The following SPARCL1 variants were observed in gnomAD, a reference collection of about 807,000 sequenced individuals.
The protein encoded by SPARCL1 is SPARC like 1, also known as SPARC-like protein 1.
A neutral mutation model predicts 67.1 loss-of-function variants in SPARCL1; 52 were observed. The ratio of observed to expected loss-of-function variants is 0.78; its 90% CI spans 0.62 to 0.98. SPARCL1 has a LOEUF of 0.98. Among genes scored for constraint, SPARCL1 ranks in the 50% least tolerant of loss-of-function variants. The probability of loss-of-function intolerance (pLI) is 0.00; values close to 1 mark genes in which losing one functional copy is unlikely to be tolerated. For synonymous variants in SPARCL1, 226 were observed against 267.8 expected (o/e 0.84, Z 1.52); for missense variants, 717 against 782.4 (o/e 0.92, Z 1.00).
At chr4:87,476,169 G>A (rs964253093) in intron 10 of SPARCL1, among the ~76,000 whole-genome samples, 11 of 152,082 alleles carry the variant, frequency 7.2e-5, no homozygotes, top group African/African-American at 2.7e-4. Context: ...TTTCTCAGTG[G>A]AAGATGCCTC....
At chr4:87,504,185 T>TGGGGGGGGGGGGGGGGG (rs1553970330) in intron 1 of SPARCL1, among the ~76,000 whole-genome samples, 1 of 19,062 alleles carries the variant, frequency 5.2e-5, no homozygotes, top group Non-Finnish European at 8.6e-5. Flanking sequence ...GTGTGTGTGG[T>TGGGGGGGGGGGGGGGGG]GGGGTGGGGG....
rs780445139 is a variant in SPARCL1 at position 87,479,617 on chromosome 4, T to C, written c.1818-39A>G. The C allele has an allele frequency of 1.9e-6, 3 of 1,604,006 alleles. No homozygotes were observed. The South Asian group carries it at 3.3e-5, about 18-fold the overall frequency. Reference sequence around the variant, plus strand: ...CATGGCATCCTATTAATTGAGTAGCTTGTGCATGAAGATTTAACTCTCAGG... The same window carrying C: ...CATGGCATCCTATTAATTGAGTAGCCTGTGCATGAAGATTTAACTCTCAGG... On this transcript the variant is annotated intron_variant, in intron 9 of 10. Transcript: ENST00000282470.
At chr4:87,493,011 C>A (rs1043619538) in intron 4 of SPARCL1, among the ~76,000 whole-genome samples, 26 of 152,206 alleles carry the variant, frequency 1.7e-4, no homozygotes, top group African/African-American at 6.3e-4. Flanking sequence ...ATGGCATCTG[C>A]TTTCAAGGCA....
intron 1 of SPARCL1, among the ~76,000 whole-genome samples, chr4:87,508,273 C>T (rs982391131): frequency 3.3e-5 from 5 of 151,432 alleles, no homozygotes; most frequent in Admixed American, 6.6e-5. Flanking sequence ...AGTGCAGTGG[C>T]GTGATTTTGA....
chr4:87,495,287 C>T, intron 2 of SPARCL1, 160 bp from the exon 3 acceptor site: 1 of 547,548 alleles, frequency 1.8e-6, no homozygotes, highest in African/African-American at 2.0e-5. Flanking sequence ...AAGCAGATGC[C>T]TAGAACAGAA....
At chr4:87,495,649 C>T (rs1235004874) in intron 2 of SPARCL1, among the ~76,000 whole-genome samples, 1 of 152,156 alleles carries the variant, frequency 6.6e-6, no homozygotes, top group Non-Finnish European at 1.5e-5. Flanking sequence ...TGGGGCTGGG[C>T]ATGGTGGCTC....
chr4:87,478,258 A>G (rs568335665), intron 10 of SPARCL1, among the ~76,000 whole-genome samples: 2 of 152,134 alleles, frequency 1.3e-5, no homozygotes, highest in East Asian at 3.9e-4. Flanking sequence ...ATTTTAATTG[A>G]CAAATAAAAA....
intron 1 of SPARCL1, among the ~76,000 whole-genome samples, chr4:87,507,845 T>C (rs1320756233): frequency 1.3e-5 from 2 of 152,228 alleles, no homozygotes; most frequent in Non-Finnish European, 2.9e-5. Context: ...TGACTCCCTC[T>C]TGGGGTTCGA....
chr4:87,519,836 C>A (rs909605725), intron 1 of SPARCL1, among the ~76,000 whole-genome samples: 1 of 152,016 alleles, frequency 6.6e-6, no homozygotes, highest in African/African-American at 2.4e-5. Flanking sequence ...TTATCTCAAC[C>A]AGGTTTTAGG....
rs775815575 is a variant in SPARCL1 at position 87,473,762 on chromosome 4, T to C, written c.*13A>G. The stretch of plus-strand genomic sequence containing the variant: ...GGAGGATGCTGGAAAGTTGAGTTCT[T>C]TAAAATCTTCGTTCAAAACAAGAGA... On this transcript the variant is annotated 3_prime_UTR_variant, in exon 11 of 11. Transcript: ENST00000282470. 1.7e-5 allele frequency: 28 copies of C among 1,602,258 alleles called. No homozygotes were observed. Among genetic ancestry groups the C allele is most frequent in the Non-Finnish European group, 2.3e-5 (27 of 1,171,054 alleles).
At chr4:87,510,608 T>C (rs1725306536) in intron 1 of SPARCL1, among the ~76,000 whole-genome samples, 1 of 151,880 alleles carries the variant, frequency 6.6e-6, no homozygotes, top group Admixed American at 6.6e-5. Flanking sequence ...CCTTTCCAGC[T>C]CACCTCTCCA....
chr4:87,525,739 C>T (rs773581064), intron 1 of SPARCL1, among the ~76,000 whole-genome samples: 9 of 152,118 alleles, frequency 5.9e-5, no homozygotes, highest in Non-Finnish European at 1.2e-4. Flanking sequence ...AGGAAACAAG[C>T]CAGGACTGGA....
At chr4:87,507,624 A>AT (rs1725152240) in intron 1 of SPARCL1, among the ~76,000 whole-genome samples, 2 of 152,096 alleles carry the variant, frequency 1.3e-5, no homozygotes, top group African/African-American at 4.8e-5. Context: ...AATGTGGGAG[A>AT]TTTTTTGTCA....
At chr4:87,489,484 C>T (rs1399763549) in intron 7 of SPARCL1, among the ~76,000 whole-genome samples, 1 of 152,172 alleles carries the variant, frequency 6.6e-6, no homozygotes, top group Non-Finnish European at 1.5e-5. Context: ...CACCCTCTTT[C>T]TGCGTTGATC....
intron 1 of SPARCL1, among the ~76,000 whole-genome samples, chr4:87,514,656 A>G (rs1467862598): frequency 6.6e-6 from 1 of 152,210 alleles, no homozygotes; most frequent in East Asian, 1.9e-4. Flanking sequence ...GTTGTCCTTT[A>G]GACTAGTCAC....
intron 1 of SPARCL1, among the ~76,000 whole-genome samples, chr4:87,521,007 C>T (rs1205741994): frequency 6.6e-6 from 1 of 152,196 alleles, no homozygotes; most frequent in Non-Finnish European, 1.5e-5. Context: ...GGAACCTACA[C>T]AAACGACCAG....
chr4:87,510,409 G>A (rs1487833682), intron 1 of SPARCL1, among the ~76,000 whole-genome samples: 1 of 152,124 alleles, frequency 6.6e-6, no homozygotes. Flanking sequence ...TCTGAATACT[G>A]TCTTTTTACC....
chr4:87,520,021 C>T (rs1725740265), intron 1 of SPARCL1, among the ~76,000 whole-genome samples: 1 of 152,012 alleles, frequency 6.6e-6, no homozygotes, highest in Admixed American at 6.6e-5. Flanking sequence ...GGGTGGATCA[C>T]TTGAGGCCAG....
At chr4:87,489,604 G>C (rs1294103647) in intron 7 of SPARCL1, among the ~76,000 whole-genome samples, 1 of 152,226 alleles carries the variant, frequency 6.6e-6, no homozygotes, top group African/African-American at 2.4e-5. Flanking sequence ...TGGTGGCAAA[G>C]GAGCAGAGGA....
Sources: allele counts gnomAD v4.1 joint callset (sites outside exome capture counted in the v4.1 genomes callset), GRCh38; gene constraint gnomAD v4.1.1; transcripts MANE v1.5; gene names NCBI Gene and HGNC (gene_info 2026-07-23, HGNC 2026-07-21).